VPS37A: variants seen among roughly 807,000 people sequenced by gnomAD.
The protein encoded by VPS37A is vacuolar protein sorting-associated protein 37A.
VPS37A carries 30 observed loss-of-function variants against 49.8 expected under a neutral mutation model. The observed-to-expected ratio is 0.60, with a 90% confidence interval of 0.45 to 0.82. The LOEUF (loss-of-function observed/expected upper bound fraction) is 0.82, where lower values mean the gene tolerates loss of function less well. Among genes scored for constraint, VPS37A ranks in the 40% least tolerant of loss-of-function variants. The pLI is 0.00. For synonymous variants in VPS37A, 195 were observed against 160.6 expected, an observed-to-expected ratio of 1.21 and a Z score of -1.62; for missense variants, 593 against 464.4, an observed-to-expected ratio of 1.28 and a Z score of -2.55.
downstream of VPS37A, chr8:17,299,681 C>G (rs966158538): frequency 6.8e-6 from 5 of 739,156 alleles, no homozygotes; most frequent in African/African-American, 7.1e-5. Context: ...AATGAAATGA[C>G]TACGTCCTCT....
chr8:17,324,257 G>A, the VPS37A span, among the ~76,000 whole-genome samples: 1 of 152,208 alleles, frequency 6.6e-6, no homozygotes, highest in African/African-American at 2.4e-5. Context: ...GTAACTGTCT[G>A]ATGAATAGAT....
chr8:17,284,411 T>C (rs542056331), intron 9 of VPS37A, 62 bp from the exon 10 acceptor site: 56 of 1,507,274 alleles, frequency 3.7e-5, no homozygotes, highest in Admixed American at 2.0e-4. Context: ...CTTACTTCCT[T>C]TCCCTGTGAG....
At chr8:17,254,184 C>T (rs1435787347) in intron 1 of VPS37A, among the ~76,000 whole-genome samples, 1 of 152,066 alleles carries the variant, frequency 6.6e-6, no homozygotes, top group African/African-American at 2.4e-5. Flanking sequence ...TTTGTGAATA[C>T]TTACTGTTTG....
At chr8:17,317,328 G>A in the VPS37A span, among the ~76,000 whole-genome samples, 2 of 152,208 alleles carry the variant, frequency 1.3e-5, no homozygotes, top group Non-Finnish European at 2.9e-5. Flanking sequence ...ACATCTGCGA[G>A]TCCTTTGTCT....
chr8:17,275,436 C>T (rs1814429972), intron 5 of VPS37A, among the ~76,000 whole-genome samples: 1 of 152,160 alleles, frequency 6.6e-6, no homozygotes, highest in Admixed American at 6.5e-5. Context: ...GAGGCAGTAA[C>T]ATTGTCAAAG....
chr8:17,308,047 TA>T, the VPS37A span, among the ~76,000 whole-genome samples: 1 of 118,698 alleles, frequency 8.4e-6, no homozygotes, highest in Non-Finnish European at 1.7e-5. Flanking sequence ...ATAATAAAAT[TA>T]AAAAATAAAA....
downstream of VPS37A, among the ~76,000 whole-genome samples, chr8:17,305,319 A>G (rs1460047816): frequency 2.0e-5 from 3 of 152,198 alleles, no homozygotes; most frequent in African/African-American, 4.8e-5. Context: ...AAAGTCCACA[A>G]TTTATCTACT....
chr8:17,280,349 A>C (rs1349481615), intron 8 of VPS37A, 26 bp from the exon 9 acceptor site: 1 of 1,602,350 alleles, frequency 6.2e-7, no homozygotes, highest in Admixed American at 1.7e-5. Context: ...AATAGAATAA[A>C]ACAACCTTTT....
At chr8:17,312,024 A>T in the VPS37A span, among the ~76,000 whole-genome samples, 1 of 152,084 alleles carries the variant, frequency 6.6e-6, no homozygotes, top group South Asian at 2.1e-4. Context: ...AAGGCAAAAA[A>T]GTTATAAATT....
chr8:17,300,290 G>T (rs759646160), downstream of VPS37A: 15 of 1,482,280 alleles, frequency 1.0e-5, no homozygotes, highest in Non-Finnish European at 1.3e-5. Flanking sequence ...ATATATGCAT[G>T]TCTTTAGCAT....
chr8:17,319,432 G>C, the VPS37A span, among the ~76,000 whole-genome samples: 1 of 152,196 alleles, frequency 6.6e-6, no homozygotes, highest in Non-Finnish European at 1.5e-5. Context: ...TGTCAACGCT[G>C]AAGCTCCGAA....
At chr8:17,302,091 A>T, downstream of VPS37A, 2 of 1,596,870 alleles carry the variant, frequency 1.3e-6, no homozygotes, top group Non-Finnish European at 1.7e-6. Flanking sequence ...AGAGGCTTTC[A>T]TGAAGCCTTG....
At chr8:17,315,409 T>C in the VPS37A span, among the ~76,000 whole-genome samples, 45,875 of 112,030 alleles carry the variant, frequency 0.41, 7,353 homozygotes, top group African/African-American at 0.51. Flanking sequence ...GTTACATTTA[T>C]TAAACGTGTC....
the VPS37A span, among the ~76,000 whole-genome samples, chr8:17,332,318 C>A: frequency 4.6e-5 from 7 of 152,280 alleles, no homozygotes; most frequent in Admixed American, 4.6e-4. Context: ...TGTTCTTTGA[C>A]ACAGATCTCC....
chr8:17,284,381 T>C (rs1815388635), intron 9 of VPS37A, 92 bp from the exon 10 acceptor site: 6 of 1,409,760 alleles, frequency 4.3e-6, no homozygotes, highest in Non-Finnish European at 4.7e-6. Flanking sequence ...ATATAATAAA[T>C]TGCCTCTCCA....
rs1002359828 is a variant in VPS37A at position 17,261,619 on chromosome 8, C to T, written c.126-4288C>T. Among the ~76,000 whole-genome samples the T allele has an allele frequency of 2.6e-5, 4 of 152,128 alleles. No individual in the cohort carries two copies. The East Asian group carries it at 7.7e-4, about 29-fold the overall frequency. On this transcript the variant is annotated intron_variant, in intron 1 of 11. Transcript: ENST00000324849. ...GTTTTGGTTTTATTGAATGTATTTG[C>T]TTAAAGACTCTTTACTGTAAGGTTT...
chr8:17,325,380 G>A, the VPS37A span, among the ~76,000 whole-genome samples: 1 of 152,194 alleles, frequency 6.6e-6, no homozygotes, highest in African/African-American at 2.4e-5. Flanking sequence ...ACCTTTGCGT[G>A]GAAGAACAGA....
At chr8:17,266,380 A>G (rs1171395807) in intron 2 of VPS37A, among the ~76,000 whole-genome samples, 1 of 152,252 alleles carries the variant, frequency 6.6e-6, no homozygotes, top group Non-Finnish European at 1.5e-5. Flanking sequence ...CAGATATACT[A>G]CATCAACCAG....
At position 17,271,563 on chromosome 8, in the gene VPS37A, G is replaced by C. The variant is rs185200400; in HGVS notation, c.416+2607G>C. Among the ~76,000 whole-genome samples, 412 of 152,108 alleles carry C rather than the reference G, an allele frequency of 2.7e-3. 2 individuals carry two copies. The Middle Eastern group carries it at 0.027, about 10-fold the overall frequency. On this transcript the variant is annotated intron_variant, in intron 4 of 11. Coordinates refer to ENST00000324849, the MANE Select transcript of VPS37A (RefSeq NM_152415.3). Reference sequence around the variant, plus strand: ...AGAGCTTGCAGTGAGCCGAGATCACGCCACTGCATTCCAGCCTGGGTGACA... The same window carrying C: ...AGAGCTTGCAGTGAGCCGAGATCACCCCACTGCATTCCAGCCTGGGTGACA...
Sources: gnomAD v4.1 joint callset for allele counts (sites outside exome capture counted in the v4.1 genomes callset) on GRCh38, gnomAD v4.1.1 for gene constraint, MANE v1.5 for transcripts, NCBI Gene and HGNC (gene_info 2026-07-23, HGNC 2026-07-21) for gene names.